The following CLSTN2 variants were observed in gnomAD, a reference collection of about 807,000 sequenced individuals.
CLSTN2 encodes calsyntenin-2.
CLSTN2 carries 48 observed loss-of-function variants against 101.2 expected under a neutral mutation model. That is an observed-to-expected ratio of 0.47 (90% CI 0.38 to 0.60). The LOEUF (loss-of-function observed/expected upper bound fraction) is 0.60. Ranked by LOEUF, CLSTN2 falls within the 20% of genes least tolerant of loss-of-function variation. CLSTN2 has a pLI of 0.00. For missense variants in CLSTN2, 1,160 were observed against 1,238.2 expected (o/e 0.94, Z 0.95); for synonymous variants, 481 against 463.6 (o/e 1.04, Z -0.48).
intron 2 of CLSTN2, among the ~76,000 whole-genome samples, chr3:140,370,022 G>A (rs2087833546): frequency 6.6e-6 from 1 of 152,224 alleles, no homozygotes; most frequent in Non-Finnish European, 1.5e-5. Flanking sequence ...AGTCAGAATT[G>A]CCCCTTCAGG....
chr3:140,224,558 A>G (rs1285104294), intron 2 of CLSTN2, among the ~76,000 whole-genome samples: 1 of 152,172 alleles, frequency 6.6e-6, no homozygotes, highest in Non-Finnish European at 1.5e-5. Flanking sequence ...AAAGTCCTCA[A>G]AGTGTGACCC....
At chr3:140,145,686 C>A (rs1002423308) in intron 1 of CLSTN2, among the ~76,000 whole-genome samples, 6 of 152,224 alleles carry the variant, frequency 3.9e-5, no homozygotes, top group Non-Finnish European at 5.9e-5. Flanking sequence ...CCCCTGGTGG[C>A]AAATTGTAAC....
At chr3:140,505,176 C>G (rs1392209499) in intron 8 of CLSTN2, among the ~76,000 whole-genome samples, 1 of 152,006 alleles carries the variant, frequency 6.6e-6, no homozygotes, top group East Asian at 1.9e-4. Context: ...AATCATTCTA[C>G]AAGGGGAGCA....
At chr3:140,439,669 A>G (rs1285626516) in intron 5 of CLSTN2, among the ~76,000 whole-genome samples, 2 of 152,178 alleles carry the variant, frequency 1.3e-5, no homozygotes, top group East Asian at 1.9e-4. Context: ...CGACATTTCA[A>G]TTCAGGTGGG....
chr3:140,417,226 T>C (rs962163797), intron 4 of CLSTN2, among the ~76,000 whole-genome samples: 1 of 152,218 alleles, frequency 6.6e-6, no homozygotes, highest in Non-Finnish European at 1.5e-5. Context: ...TTAAACGTTC[T>C]TTATAATCAC....
chr3:140,123,195 G>T (rs1474985261), intron 1 of CLSTN2, among the ~76,000 whole-genome samples: 2 of 150,746 alleles, frequency 1.3e-5, no homozygotes, highest in South Asian at 2.1e-4. Flanking sequence ...ACATGAATGT[G>T]GTGTCCTCAC....
chr3:140,150,160 G>A (rs536013369), intron 1 of CLSTN2, among the ~76,000 whole-genome samples: 1 of 152,332 alleles, frequency 6.6e-6, no homozygotes, highest in South Asian at 2.1e-4. Context: ...GTTACTTTAA[G>A]TAAGCATAGG....
At chr3:140,268,369 G>A (rs2086713947) in intron 2 of CLSTN2, among the ~76,000 whole-genome samples, 2 of 152,332 alleles carry the variant, frequency 1.3e-5, no homozygotes, top group Non-Finnish European at 2.9e-5. Context: ...GGACATAGAA[G>A]TGACTGAAGC....
chr3:140,333,611 C>T (rs529807230), intron 2 of CLSTN2, among the ~76,000 whole-genome samples: 22 of 152,148 alleles, frequency 1.4e-4, no homozygotes, highest in South Asian at 8.3e-4. Flanking sequence ...CTTGGTTTCC[C>T]GCCACATTAG....
chr3:140,537,870 G>A (rs1257001812), intron 9 of CLSTN2, among the ~76,000 whole-genome samples: 1 of 152,138 alleles, frequency 6.6e-6, no homozygotes, highest in African/African-American at 2.4e-5. Flanking sequence ...TAACCCAGCT[G>A]TGCAAGGGAG....
At chr3:139,953,988 T>C (rs977334717) in intron 1 of CLSTN2, among the ~76,000 whole-genome samples, 2 of 151,180 alleles carry the variant, frequency 1.3e-5, no homozygotes, top group Admixed American at 6.6e-5. Context: ...TAACTTTTAT[T>C]TTGGGTTCAG....
chr3:140,372,125 G>A (rs894723572), intron 2 of CLSTN2, among the ~76,000 whole-genome samples: 6 of 152,116 alleles, frequency 3.9e-5, no homozygotes, highest in African/African-American at 1.4e-4. Flanking sequence ...GCCCTGCCTG[G>A]AATCCCACAC....
At chr3:140,264,722 G>A (rs2086681600) in intron 2 of CLSTN2, among the ~76,000 whole-genome samples, 2 of 152,050 alleles carry the variant, frequency 1.3e-5, no homozygotes, top group South Asian at 4.2e-4. Flanking sequence ...TTGGTAAGTG[G>A]CCCAGGAGCA....
intron 1 of CLSTN2, among the ~76,000 whole-genome samples, chr3:139,989,412 T>C (rs993898754): frequency 6.6e-6 from 1 of 152,174 alleles, no homozygotes; most frequent in African/African-American, 2.4e-5. Context: ...CTACTCCAGA[T>C]TGTTTATCTT....
intron 1 of CLSTN2, among the ~76,000 whole-genome samples, chr3:140,035,141 C>T (rs1344568314): frequency 2.0e-5 from 3 of 152,154 alleles, no homozygotes; most frequent in East Asian, 1.9e-4. Context: ...TAAACATTTA[C>T]CTTTTGGAGT....
chr3:140,189,551 A>G (rs2010530784), intron 2 of CLSTN2, among the ~76,000 whole-genome samples: 1 of 152,188 alleles, frequency 6.6e-6, no homozygotes, highest in African/African-American at 2.4e-5. Context: ...ATCCTCTTCC[A>G]TGAAATGTCT....
chr3:139,946,132 C>G (rs1391704909), intron 1 of CLSTN2, among the ~76,000 whole-genome samples: 2 of 152,178 alleles, frequency 1.3e-5, no homozygotes, highest in Admixed American at 6.5e-5. Context: ...TTCAAAAATA[C>G]TGAAATCCTG....
At chr3:140,092,195 A>G (rs772582412) in intron 1 of CLSTN2, among the ~76,000 whole-genome samples, 2 of 152,142 alleles carry the variant, frequency 1.3e-5, no homozygotes, top group African/African-American at 2.4e-5. Flanking sequence ...GTGTTTAGGA[A>G]TTGGGATGCT....
intron 1 of CLSTN2, among the ~76,000 whole-genome samples, chr3:140,116,131 C>T (rs1381295081): frequency 6.6e-6 from 1 of 152,160 alleles, no homozygotes; most frequent in African/African-American, 2.4e-5. Flanking sequence ...AAGTGTTTCC[C>T]AACCTTAGTC....
Sources: gnomAD v4.1 joint callset for allele counts (sites outside exome capture counted in the v4.1 genomes callset) on GRCh38, gnomAD v4.1.1 for gene constraint, MANE v1.5 for transcripts, NCBI Gene and HGNC (gene_info 2026-07-23, HGNC 2026-07-21) for gene names.